Variants in CNTNAP2 observed in about 807,000 individuals in gnomAD.
CNTNAP2 encodes contactin associated protein 2.
Under a neutral mutation model 155.2 loss-of-function variants are expected in CNTNAP2, and 98 were observed. That is an observed-to-expected ratio of 0.63 (90% confidence interval 0.54 to 0.75). CNTNAP2 has a LOEUF of 0.75. CNTNAP2 is among the 30% of genes least tolerant of loss of function. The pLI is 0.00. For synonymous variants in CNTNAP2, 651 were observed against 631.2 expected (o/e 1.03, Z -0.47); for missense variants, 1,727 against 1,688.1 (o/e 1.02, Z -0.40).
Position 146,295,116 on chromosome 7 carries a change from C to T in CNTNAP2, c.97+178143C>T, listed in dbSNP as rs151222850. Among the ~76,000 whole-genome samples, 144 of 152,216 alleles carry T rather than the reference C, an allele frequency of 9.5e-4. 3 individuals are homozygous for T. The East Asian group carries it at 0.01, about 11-fold the overall frequency. ...TCATAAGTTTACATCTAAAAATTCACGAGGTAGTCAGTCATAGTCACTACA... is the reference window on the plus strand; with the variant it reads ...TCATAAGTTTACATCTAAAAATTCATGAGGTAGTCAGTCATAGTCACTACA... On this transcript the variant is annotated intron_variant, in intron 1 of 23. Transcript: ENST00000361727.
At chr7:147,544,020 G>T (rs1799684755) in intron 11 of CNTNAP2, among the ~76,000 whole-genome samples, 1 of 152,072 alleles carries the variant, frequency 6.6e-6, no homozygotes, top group Non-Finnish European at 1.5e-5. Flanking sequence ...TCATGTCATG[G>T]AATATTTATT....
At chr7:147,469,550 G>T (rs1291963507) in intron 10 of CNTNAP2, among the ~76,000 whole-genome samples, 2 of 79,564 alleles carry the variant, frequency 2.5e-5, no homozygotes, top group Non-Finnish European at 5.2e-5. Flanking sequence ...ACAAAGTCTC[G>T]CTCTGCCGCC....
At chr7:146,817,610 A>G (rs1803198878) in intron 2 of CNTNAP2, among the ~76,000 whole-genome samples, 1 of 152,152 alleles carries the variant, frequency 6.6e-6, no homozygotes, top group Admixed American at 6.5e-5. Flanking sequence ...ACTTACAATC[A>G]TGGAAGAAGA....
intron 13 of CNTNAP2, among the ~76,000 whole-genome samples, chr7:147,841,520 A>C (rs1022927477): frequency 1.3e-5 from 2 of 152,202 alleles, no homozygotes; most frequent in Non-Finnish European, 1.5e-5. Context: ...ATTTGGGGCA[A>C]AGCGCAATTT....
At chr7:147,264,297 G>C (rs369107318) in intron 8 of CNTNAP2, among the ~76,000 whole-genome samples, 1 of 152,064 alleles carries the variant, frequency 6.6e-6, no homozygotes, top group African/African-American at 2.4e-5. Context: ...GAGAAGCATG[G>C]AATTTTACAG....
chr7:147,259,124 A>T (rs546488641), intron 8 of CNTNAP2, among the ~76,000 whole-genome samples: 1 of 152,322 alleles, frequency 6.6e-6, no homozygotes, highest in African/African-American at 2.4e-5. Context: ...GTCAGAAGAC[A>T]TGTATTTAAG....
chr7:147,867,667 A>G (rs553585929), intron 13 of CNTNAP2, among the ~76,000 whole-genome samples: 2 of 151,958 alleles, frequency 1.3e-5, no homozygotes, highest in Non-Finnish European at 2.9e-5. Flanking sequence ...TCTTTTCTCT[A>G]ACCTTGTCAT....
chr7:146,796,939 A>G (rs146595559), intron 2 of CNTNAP2, among the ~76,000 whole-genome samples: 533 of 152,188 alleles, frequency 3.5e-3, no homozygotes, highest in Middle Eastern at 6.8e-3. Flanking sequence ...GATCGAGACC[A>G]TTCTGTCTAA....
intron 3 of CNTNAP2, among the ~76,000 whole-genome samples, chr7:146,883,992 A>T (rs927757717): frequency 6.6e-6 from 1 of 152,074 alleles, no homozygotes; most frequent in Admixed American, 6.6e-5. Flanking sequence ...TGTTCAATGA[A>T]TTTTAAGCAT....
chr7:146,217,805 T>C (rs1799137360), intron 1 of CNTNAP2, among the ~76,000 whole-genome samples: 1 of 152,152 alleles, frequency 6.6e-6, no homozygotes, highest in South Asian at 2.1e-4. Flanking sequence ...CACATAGTTA[T>C]ATATAGATTG....
chr7:147,499,139 CT>C (rs1798764803), intron 11 of CNTNAP2, among the ~76,000 whole-genome samples: 1 of 152,080 alleles, frequency 6.6e-6, no homozygotes, highest in South Asian at 2.1e-4. Flanking sequence ...ATGAATATAA[CT>C]TTGATGGTTG....
At chr7:146,933,483 C>T (rs1313938951) in intron 3 of CNTNAP2, among the ~76,000 whole-genome samples, 2 of 151,152 alleles carry the variant, frequency 1.3e-5, no homozygotes, top group Non-Finnish European at 2.9e-5. Flanking sequence ...ACCATAAAAA[C>T]CCTAGAAGAA....
chr7:146,947,571 A>G lies in CNTNAP2; in HGVS notation c.403-96336A>G, dbSNP rs961380294. Among the ~76,000 whole-genome samples, 15 of 25,592 alleles carry G rather than the reference A, an allele frequency of 5.9e-4. No homozygotes were observed. The East Asian group carries it at 0.011, about 18-fold the overall frequency. 16.8% of individuals were successfully genotyped at this position (25,592 alleles called of 152,430 possible). On this transcript the variant is annotated intron_variant, in intron 3 of 23. Coordinates refer to ENST00000361727, the MANE Select transcript of CNTNAP2 (RefSeq NM_014141.6). ...TGTGTGTGTGTGTATATATATATAT[A>G]TATACATATATATATATATATATAT...
chr7:147,791,745 G>A (rs1252864843), intron 13 of CNTNAP2, among the ~76,000 whole-genome samples: 1 of 152,038 alleles, frequency 6.6e-6, no homozygotes, highest in Non-Finnish European at 1.5e-5. Context: ...CCCATTGTGG[G>A]TTTCCTCTGT....
intron 1 of CNTNAP2, among the ~76,000 whole-genome samples, chr7:146,181,617 AC>A (rs1345149685): frequency 8.5e-5 from 13 of 152,108 alleles, no homozygotes; most frequent in Non-Finnish European, 1.8e-4. Flanking sequence ...TAAAGACTTC[AC>A]TTTTTTACTG....
intron 1 of CNTNAP2, among the ~76,000 whole-genome samples, chr7:146,151,678 A>ATT: frequency 4.1e-5 from 1 of 24,482 alleles, no homozygotes; most frequent in Non-Finnish European, 8.8e-5. Flanking sequence ...ATATATATAT[A>ATT]TATGTATATA....
intron 1 of CNTNAP2, among the ~76,000 whole-genome samples, chr7:146,139,521 A>T (rs566948235): frequency 1.3e-5 from 2 of 152,176 alleles, no homozygotes; most frequent in Non-Finnish European, 2.9e-5. Context: ...TTGTATTAGA[A>T]GATGTAGCAA....
intron 3 of CNTNAP2, among the ~76,000 whole-genome samples, chr7:146,864,581 G>A (rs776369180): frequency 6.6e-6 from 1 of 152,088 alleles, no homozygotes; most frequent in Non-Finnish European, 1.5e-5. Flanking sequence ...AATGCAGTAA[G>A]AAAAGAATAA....
intron 3 of CNTNAP2, among the ~76,000 whole-genome samples, chr7:146,917,284 C>T (rs1299558790): frequency 2.6e-5 from 4 of 152,046 alleles, no homozygotes; most frequent in African/African-American, 9.7e-5. Flanking sequence ...GTATATTCTG[C>T]AGTTGTTGGT....
Sources: allele counts gnomAD v4.1 joint callset (sites outside exome capture counted in the v4.1 genomes callset), GRCh38; gene constraint gnomAD v4.1.1; transcripts MANE v1.5; gene names NCBI Gene and HGNC (gene_info 2026-07-23, HGNC 2026-07-21).